The following ARHGAP39 variants were observed in gnomAD, a reference collection of about 807,000 sequenced individuals.
ARHGAP39 encodes rho GTPase-activating protein 39.
A neutral mutation model predicts 106.9 loss-of-function variants in ARHGAP39; 44 were observed. The ratio of observed to expected loss-of-function variants is 0.41; its 90% CI spans 0.32 to 0.53. The LOEUF (loss-of-function observed/expected upper bound fraction) is 0.53, where lower values mean the gene tolerates loss of function less well. Among genes scored for constraint, ARHGAP39 ranks in the 20% least tolerant of loss-of-function variants. The probability of loss-of-function intolerance (pLI) is 0.21; values close to 1 mark genes in which losing one functional copy is unlikely to be tolerated. For missense variants in ARHGAP39, 1,496 were observed against 1,577.3 expected (o/e 0.95, Z 0.87); for synonymous variants, 768 against 693.2 (o/e 1.11, Z -1.69).
rs576379461 is a variant in ARHGAP39, at chr8:144,673,292, C to T, written c.-82+12394G>A. ...TTGCCACAGCCCCCAAGAACACACC[C>T]GCACCAAGGCCCTCTGCGGGCATGC... On this transcript the variant is annotated intron_variant, in intron 1 of 11. Coordinates refer to ENST00000377307, the MANE Select transcript of ARHGAP39 (RefSeq NM_025251.3). Among the ~76,000 whole-genome samples the T allele has an allele frequency of 1.4e-4, 22 of 152,144 alleles. No homozygotes were observed. The South Asian group carries it at 3.5e-3, about 24-fold the overall frequency.
intron 1 of ARHGAP39, among the ~76,000 whole-genome samples, chr8:144,633,946 A>G (rs1260768442): frequency 6.6e-6 from 1 of 152,276 alleles, no homozygotes; most frequent in East Asian, 1.9e-4. Context: ...TTCTGCAGTC[A>G]GTTGTAACAA....
rs1244268299 is a variant in ARHGAP39 at position 144,602,773 on chromosome 8, TATGTGCATGGAGGCGTGTGTGTGC to T, written c.80+2738_80+2761del. Among the ~76,000 whole-genome samples, 464 of 121,386 alleles carry T rather than the reference TATGTGCATGGAGGCGTGTGTGTGC, an allele frequency of 3.8e-3. 10 individuals are homozygous for T. The highest frequency in any genetic ancestry group is 0.013 in the African/African-American group (417 of 31,098). The allele number at this position is 121,386 out of a possible 152,430, so 79.6% of individuals were successfully genotyped here. On this transcript the variant is annotated intron_variant, in intron 2 of 11. Transcript: ENST00000377307. ...GTGTGTGAGCTCGTGTACCTGTGTGTATGTGCATGGAGGCGTGTGTGTGCATGTGCATGGAGGCGTGTGTGCTCG... is the reference window on the plus strand; with the variant it reads ...GTGTGTGAGCTCGTGTACCTGTGTGTATGTGCATGGAGGCGTGTGTGCTCG...
intron 10 of ARHGAP39, among the ~76,000 whole-genome samples, chr8:144,531,292 A>G (rs1475359387): frequency 1.1e-4 from 1 of 9,252 alleles, no homozygotes; most frequent in African/African-American, 2.2e-4. Flanking sequence ...CAGGCACGGC[A>G]GAAGGGCACA....
intron 3 of ARHGAP39, among the ~76,000 whole-genome samples, chr8:144,578,239 T>C (rs1287680941): frequency 1.3e-5 from 2 of 152,170 alleles, no homozygotes; most frequent in African/African-American, 2.4e-5. Flanking sequence ...TTTTGTTTGT[T>C]TGTTTTTGAG....
intron 8 of ARHGAP39, 28 bp from the exon 9 acceptor site, chr8:144,533,353 C>T (rs749253361): frequency 1.9e-6 from 3 of 1,596,786 alleles, no homozygotes; most frequent in Non-Finnish European, 1.7e-6. Flanking sequence ...CCGTCCTGGT[C>T]TGGCCTGGCC....
chr8:144,700,168 C>G, the ARHGAP39 span, among the ~76,000 whole-genome samples: 1 of 152,154 alleles, frequency 6.6e-6, no homozygotes, highest in Admixed American at 6.5e-5. The surrounding 1 kb of genome is among the most constrained non-coding windows in gnomAD (Gnocchi z 5.6). Context: ...CATTCAGTCT[C>G]CCCCCTGGAG....
At chr8:144,689,068 G>A (rs1043546992), upstream of ARHGAP39, among the ~76,000 whole-genome samples, 7 of 152,090 alleles carry the variant, frequency 4.6e-5, no homozygotes, top group Admixed American at 3.9e-4. Flanking sequence ...CAAAACCAAC[G>A]AGAAAAGGTC....
rs763176123 is a variant in ARHGAP39, at chr8:144,548,374, G to T, written c.712C>A (p.Pro238Thr). 6.2e-7 allele frequency: 1 copy of T among 1,609,484 alleles called. No individual in the cohort carries two copies. The highest frequency in any genetic ancestry group is 1.7e-5 in the Admixed American group (1 of 59,790). Reference sequence around the variant, plus strand: ...GAGGGTCTGCGGGAGCGGACCCCAGGTGGGCCGTCTGGGGCGTAGCCATTG... The same window carrying T: ...GAGGGTCTGCGGGAGCGGACCCCAGTTGGGCCGTCTGGGGCGTAGCCATTG... ...QGNGYAPDGP[P>T]GVRSRRPSGS... Residue 238 changes from proline (P) to threonine (T), a missense_variant, in exon 5 of 12, where the codon CCT (proline) becomes ACT (threonine). By Grantham distance (38) the Pro-to-Thr change is conservative (BLOSUM62 -1). Transcript: ENST00000377307. This position sits in a 1 kb window ranked among gnomAD's most constrained non-coding sequence, Gnocchi z 7.4.
intron 2 of ARHGAP39, among the ~76,000 whole-genome samples, chr8:144,588,709 G>T (rs982853721): frequency 1.3e-5 from 2 of 152,250 alleles, no homozygotes; most frequent in Admixed American, 1.3e-4. Context: ...ACTCACAGCC[G>T]GAGGCAGCAC....
In ARHGAP39 at chr8:144,646,810, C is replaced by T. The variant is rs1821455083; in HGVS notation, c.-82+38876G>A. 6.6e-6 allele frequency among the ~76,000 whole-genome samples: 1 copy of T among 152,142 alleles called. No individual in the cohort carries two copies. The highest frequency in any genetic ancestry group is 2.4e-5 in the African/African-American group (1 of 41,418). On this transcript the variant is annotated intron_variant, in intron 1 of 11. Coordinates refer to ENST00000377307, the MANE Select transcript of ARHGAP39 (RefSeq NM_025251.3). This position sits in a 1 kb window ranked among gnomAD's most constrained non-coding sequence, Gnocchi z 5.7. ...GGCCCTGGCACTGCACGTGAGGAAA[C>T]AAGGCCTTGGGTTTTTCTCCACCAC...
intron 1 of ARHGAP39, among the ~76,000 whole-genome samples, chr8:144,633,354 G>A (rs1225290115): frequency 6.6e-6 from 1 of 152,072 alleles, no homozygotes; most frequent in Non-Finnish European, 1.5e-5. Context: ...AGCTACTTGG[G>A]AGGCTGAGGC....
intron 2 of ARHGAP39, among the ~76,000 whole-genome samples, chr8:144,596,882 C>T (rs1819642535): frequency 2.6e-5 from 4 of 152,332 alleles, no homozygotes; most frequent in South Asian, 2.1e-4. Flanking sequence ...CAGGCTCTGC[C>T]GGCCAGCCCC....
In ARHGAP39 at chr8:144,547,213, G is replaced by A. The variant is rs1180531299; in HGVS notation, c.1873C>T (p.Leu625=). ...RHWRRGTFEK[L]GFPQILLEKS... Reference sequence around the variant, plus strand: ...TCCAGCAGGATCTGGGGGAAGCCTAGCTTCTCGAAGGTGCCCCTCCTCCAG... The same window carrying A: ...TCCAGCAGGATCTGGGGGAAGCCTAACTTCTCGAAGGTGCCCCTCCTCCAG... The change falls in exon 5 of 12, where the codon CTA becomes TTA. Residue 625 remains leucine, a synonymous_variant. Coordinates refer to ENST00000377307, the MANE Select transcript of ARHGAP39 (RefSeq NM_025251.3). The surrounding 1 kb of genome is among the most constrained non-coding windows in gnomAD (Gnocchi z 5.2). 3.1e-6 allele frequency: 5 copies of A among 1,612,374 alleles called. No homozygotes were observed. The highest frequency in any genetic ancestry group is 4.2e-6 in the Non-Finnish European group (5 of 1,179,774).
intron 1 of ARHGAP39, among the ~76,000 whole-genome samples, chr8:144,640,971 C>T (rs1347961605): frequency 6.6e-6 from 1 of 152,226 alleles, no homozygotes; most frequent in Non-Finnish European, 1.5e-5. Context: ...TAGAAATCAA[C>T]ATTGTGAGGG....
intron 2 of ARHGAP39, 57 bp downstream of exon 2, chr8:144,605,467 TGCAGGAAGAAA>T: frequency 6.6e-7 from 1 of 1,510,440 alleles, no homozygotes; most frequent in Non-Finnish European, 9.2e-7. Context: ...CTGCTTTCTC[TGCAGGAAGAAA>T]GCAGTTCCAC....
chr8:144,567,293 G>A (rs942357465), intron 3 of ARHGAP39, among the ~76,000 whole-genome samples: 1 of 152,332 alleles, frequency 6.6e-6, no homozygotes, highest in Non-Finnish European at 1.5e-5. Flanking sequence ...GATAGGAACT[G>A]AGGGGACATA....
Position 144,549,441 on chromosome 8 carries a change from C to T in ARHGAP39, c.597-952G>A, listed in dbSNP as rs572782025. 7.2e-5 allele frequency among the ~76,000 whole-genome samples: 11 copies of T among 152,298 alleles called. No individual in the cohort carries two copies. The South Asian group carries it at 1.7e-3, about 23-fold the overall frequency. ...AAATGTTACTTTTACCCTGTTTCCT[C>T]TCTCTTCTCTTCTGGAAATCTAATT... On this transcript the variant is annotated intron_variant, in intron 4 of 11. Transcript: ENST00000377307.
chr8:144,651,841 C>T (rs988539396), intron 1 of ARHGAP39, among the ~76,000 whole-genome samples: 12 of 152,118 alleles, frequency 7.9e-5, no homozygotes, highest in African/African-American at 2.9e-4. Flanking sequence ...GCTACAGTAT[C>T]CAAAACAGAA....
chr8:144,548,402 C>G lies in ARHGAP39; in HGVS notation c.684G>C (p.Gln228His), dbSNP rs904623629. 2.5e-6 allele frequency: 4 copies of G among 1,610,618 alleles called. No individual in the cohort carries two copies. The highest frequency in any genetic ancestry group is 1.7e-5 in the Admixed American group (1 of 59,892). Residue 228 changes from glutamine to histidine, a missense_variant, in exon 5 of 12, where the codon CAG becomes CAC. Gln to His is a conservative substitution (Grantham distance 24, BLOSUM62 0). Transcript: ENST00000377307. The surrounding 1 kb of genome is among the most constrained non-coding windows in gnomAD (Gnocchi z 7.4). ...GGCCGTCTGGGGCGTAGCCATTGCC[C>G]TGGGCGGCGAGGAAGCTGGGCTCCC... is the stretch of plus-strand genomic sequence containing the variant. ...ADREPSFLAA[Q>H]GNGYAPDGPP... is the part of the protein sequence containing the mutation.
Sources: allele counts gnomAD v4.1 joint callset (sites outside exome capture counted in the v4.1 genomes callset), GRCh38; gene constraint gnomAD v4.1.1; non-coding constraint Gnocchi (gnomAD v3.1); transcripts MANE v1.5; gene names NCBI Gene and HGNC (gene_info 2026-07-23, HGNC 2026-07-21).